Variants in ELL2 observed in about 807,000 individuals in gnomAD.
ELL2 encodes the protein RNA polymerase II elongation factor ELL2.
ELL2 carries 21 observed loss-of-function variants against 72.8 expected under a neutral mutation model. The observed-to-expected ratio is 0.29, with a 90% confidence interval of 0.20 to 0.42. ELL2 has a LOEUF of 0.42. Ranked by LOEUF, ELL2 falls within the 10% of genes least tolerant of loss-of-function variation. The pLI is 1.00. For missense variants in ELL2, 568 were observed against 772.8 expected, an observed-to-expected ratio of 0.73 and a Z score of 3.14; for synonymous variants, 266 against 283.2, an observed-to-expected ratio of 0.94 and a Z score of 0.61.
At chr5:95,912,090 C>T (rs571449053) in intron 4 of ELL2, among the ~76,000 whole-genome samples, 1 of 152,316 alleles carries the variant, frequency 6.6e-6, no homozygotes, top group Non-Finnish European at 1.5e-5. Flanking sequence ...CTATAAGAAA[C>T]CTTGCAAGTT....
At chr5:95,915,378 G>T (rs917138752) in intron 3 of ELL2, among the ~76,000 whole-genome samples, 4 of 152,244 alleles carry the variant, frequency 2.6e-5, no homozygotes, top group African/African-American at 9.6e-5. Context: ...GGGATTACAG[G>T]CGTGAGCCAC....
At chr5:95,909,288 T>C (rs984560162) in intron 4 of ELL2, among the ~76,000 whole-genome samples, 1 of 152,190 alleles carries the variant, frequency 6.6e-6, no homozygotes, top group Admixed American at 6.5e-5. Context: ...ACTCACTTTG[T>C]CCTTTACCTC....
chr5:95,932,775 A>T (rs1750643507), intron 2 of ELL2: 1 of 152,202 alleles, frequency 6.6e-6, no homozygotes, highest in South Asian at 2.1e-4. Context: ...AATGGTAAAG[A>T]AAAATGTCAA....
chr5:95,939,332 C>T (rs942305749), intron 2 of ELL2, among the ~76,000 whole-genome samples: 5 of 150,086 alleles, frequency 3.3e-5, no homozygotes, highest in East Asian at 2.0e-4. Context: ...TAAGACTGTG[C>T]GTTCTCTGAG....
chr5:95,900,423 T>C, intron 7 of ELL2: 1 of 257,060 alleles, frequency 3.9e-6, no homozygotes, highest in Non-Finnish European at 7.3e-6. Context: ...AATTGGAAAG[T>C]AGATAATCTT....
At chr5:95,949,839 C>T (rs1318026775) in intron 1 of ELL2, among the ~76,000 whole-genome samples, 1 of 152,080 alleles carries the variant, frequency 6.6e-6, no homozygotes, top group Non-Finnish European at 1.5e-5. Context: ...TAACCAGTTA[C>T]TATTTGAGCG....
At chr5:95,891,949 T>C (rs1437605214) in intron 9 of ELL2, among the ~76,000 whole-genome samples, 25 of 152,228 alleles carry the variant, frequency 1.6e-4, no homozygotes, top group Non-Finnish European at 3.7e-4. Context: ...CATTTAAATG[T>C]CATACTATGT....
intron 2 of ELL2, among the ~76,000 whole-genome samples, chr5:95,927,381 ACGTGTG>A (rs1750331009): frequency 2.9e-5 from 2 of 69,854 alleles, no homozygotes; most frequent in Non-Finnish European, 2.6e-5. Flanking sequence ...ACACACACAC[ACGTGTG>A]TATATATAGA....
intron 1 of ELL2, among the ~76,000 whole-genome samples, chr5:95,958,334 G>A (rs1751693471): frequency 6.6e-6 from 1 of 152,176 alleles, no homozygotes; most frequent in Non-Finnish European, 1.5e-5. Context: ...TCCTTCCACT[G>A]GAGGATAAAA....
intron 2 of ELL2, among the ~76,000 whole-genome samples, chr5:95,919,958 C>A (rs1402213680): frequency 6.6e-6 from 1 of 152,108 alleles, no homozygotes; most frequent in African/African-American, 2.4e-5. Context: ...TATATTGAAG[C>A]AATCTCTGAG....
intron 1 of ELL2, among the ~76,000 whole-genome samples, chr5:95,960,367 C>T (rs1751780804): frequency 6.6e-6 from 1 of 151,998 alleles, no homozygotes; most frequent in Admixed American, 6.5e-5. Flanking sequence ...TGTCCATAAA[C>T]TGTTTCCCCA....
At chr5:95,911,098 T>C (rs1236568905) in intron 4 of ELL2, among the ~76,000 whole-genome samples, 1 of 152,162 alleles carries the variant, frequency 6.6e-6, no homozygotes, top group Admixed American at 6.5e-5. Context: ...TGAAGGGTGA[T>C]TGATATTTTA....
rs576688587 is a variant in ELL2 at position 95,907,314 on chromosome 5, C to T, written c.482-532G>A. The stretch of plus-strand genomic sequence containing the variant: ...TATATATATTTTTTTTTTTTACAGG[C>T]CAAGACAAATTTTAGGATTCATAAA... On this transcript the variant is annotated intron_variant, in intron 4 of 11. Transcript: ENST00000237853. 2.3e-4 allele frequency among the ~76,000 whole-genome samples: 16 copies of T among 70,210 alleles called. No individual in the cohort carries two copies. In the South Asian group the frequency reaches 6.3e-3, roughly 28 times the overall value. The allele number at this position is 70,210 out of a possible 152,430, so 46.1% of individuals were successfully genotyped here.
chr5:95,942,949 G>T, intron 2 of ELL2, 53 bp downstream of exon 2: 1 of 1,385,322 alleles, frequency 7.2e-7, no homozygotes, highest in Non-Finnish European at 9.7e-7. Flanking sequence ...TTTAAAAGTT[G>T]AATAGCGTGC....
chr5:95,900,143 G>A (rs2112279003), intron 7 of ELL2: 1 of 152,240 alleles, frequency 6.6e-6, no homozygotes, highest in East Asian at 1.9e-4. Context: ...TACTGCCTAG[G>A]ACCTTCTCAC....
At chr5:95,939,637 C>G (rs1750898529) in intron 2 of ELL2, among the ~76,000 whole-genome samples, 1 of 152,178 alleles carries the variant, frequency 6.6e-6, no homozygotes. Flanking sequence ...CCTCTATTAA[C>G]TGTGTGTCTT....
intron 3 of ELL2, among the ~76,000 whole-genome samples, chr5:95,915,143 G>A (rs1019179987): frequency 2.0e-5 from 3 of 152,208 alleles, no homozygotes; most frequent in East Asian, 1.9e-4. Context: ...TCGCTCTGTT[G>A]CCAGGCTGGA....
chr5:95,958,960 T>C (rs111561186), intron 1 of ELL2, among the ~76,000 whole-genome samples: 227 of 152,192 alleles, frequency 1.5e-3, no homozygotes, highest in Middle Eastern at 3.4e-3. Context: ...GAATTTTTGA[T>C]CTTCTGTCTC....
chr5:95,954,938 T>A (rs1230070221), intron 1 of ELL2, among the ~76,000 whole-genome samples: 1 of 152,206 alleles, frequency 6.6e-6, no homozygotes, highest in Non-Finnish European at 1.5e-5. Flanking sequence ...CTTATATTTC[T>A]ACTCTGTTTA....
Sources: gnomAD v4.1 joint callset for allele counts (sites outside exome capture counted in the v4.1 genomes callset) on GRCh38, gnomAD v4.1.1 for gene constraint, MANE v1.5 for transcripts, NCBI Gene and HGNC (gene_info 2026-07-23, HGNC 2026-07-21) for gene names.